The following MCF2 variants were observed in gnomAD, a reference collection of about 807,000 sequenced individuals.
MCF2 encodes proto-oncogene DBL.
Under a neutral mutation model 82.5 loss-of-function variants are expected in MCF2, and 44 were observed. That is an observed-to-expected ratio of 0.53 (90% CI 0.42 to 0.69). The LOEUF is 0.69. Ranked by LOEUF, MCF2 falls within the 30% of genes least tolerant of loss-of-function variation. The pLI, the probability that MCF2 is intolerant of heterozygous loss-of-function variation, is 0.00. For synonymous variants in MCF2, 217 were observed against 224.9 expected, an observed-to-expected ratio of 0.96 and a Z score of 0.32; for missense variants, 623 against 663.1, an observed-to-expected ratio of 0.94 and a Z score of 0.66.
intron 11 of MCF2, 124 bp from the exon 16 acceptor site, chrX:139,607,903 T>C (rs1357611173): frequency 4.4e-6 from 2 of 451,223 alleles, no homozygotes; most frequent in East Asian, 8.3e-5. Context: ...AAAATAAAAC[T>C]ATGATTTTTT....
intron 1 of MCF2, among the ~76,000 whole-genome samples, chrX:139,636,920 A>C (rs1043260008): frequency 9.0e-6 from 1 of 111,684 alleles, no homozygotes; most frequent in African/African-American, 3.3e-5. Context: ...CTATATGCTA[A>C]TCAGTTCATT....
chrX:139,687,330 G>A (rs1935150432), intron 1 of MCF2, among the ~76,000 whole-genome samples: 1 of 112,849 alleles, frequency 8.9e-6, no homozygotes, highest in African/African-American at 3.2e-5. Flanking sequence ...GGGGAAGTTT[G>A]GGTGAAAAAA....
At chrX:139,587,869 A>T (rs3128287) in intron 21 of MCF2, 81 bp from the exon 26 acceptor site, 7,366 of 182,641 alleles carry the variant, frequency 0.04, 376 homozygotes, top group African/African-American at 0.21. Context: ...TCTCTCTCTC[A>T]CACACACACA....
intron 19 of MCF2, among the ~76,000 whole-genome samples, chrX:139,591,494 C>T (rs993960314): frequency 1.3e-4 from 14 of 110,837 alleles, no homozygotes; most frequent in East Asian, 2.8e-4. Flanking sequence ...TTTTAAAAAT[C>T]GATGATAATA....
At chrX:139,607,449 C>A in intron 12 of MCF2, 2 of 221,640 alleles carry the variant, frequency 9.0e-6, no homozygotes, top group Admixed American at 7.0e-5. Flanking sequence ...AAACGAAAAC[C>A]TCCATTTTAT....
intron 1 of MCF2, among the ~76,000 whole-genome samples, chrX:139,658,494 T>C (rs765122975): frequency 9.1e-6 from 1 of 110,337 alleles, no homozygotes; most frequent in African/African-American, 3.3e-5. Flanking sequence ...AGAAATTAAG[T>C]TCACAAATAT....
At chrX:139,624,222 T>C (rs1168175681) in intron 6 of MCF2, among the ~76,000 whole-genome samples, 1 of 111,093 alleles carries the variant, frequency 9.0e-6, no homozygotes, top group East Asian at 2.8e-4. Flanking sequence ...AAACTCCAAA[T>C]GAAGAAAAAT....
chrX:139,617,509 C>T lies in MCF2; in HGVS notation c.999+4G>A, dbSNP rs747545174. 3 of 1,160,302 alleles carry T rather than the reference C, an allele frequency of 2.6e-6. No homozygotes were observed. Among genetic ancestry groups the T allele is most frequent in the Non-Finnish European group, 3.5e-6 (3 of 869,298 alleles). On this transcript the variant is annotated splice_donor_region_variant and intron_variant, in intron 8 of 24. Transcript: ENST00000370576. The stretch of plus-strand genomic sequence containing the variant: ...CAGAAATGGATCATTTCCCATTACA[C>T]TACCTGCTGTAGGAGTTTATGCATT...
intron 1 of MCF2, among the ~76,000 whole-genome samples, chrX:139,681,112 A>G (rs1845457553): frequency 8.9e-6 from 1 of 112,465 alleles, no homozygotes; most frequent in Admixed American, 9.5e-5. Flanking sequence ...ACATATACCT[A>G]ATCACACAAT....
chrX:139,621,643 T>G (rs2148471564), intron 6 of MCF2, among the ~76,000 whole-genome samples: 1 of 111,713 alleles, frequency 9.0e-6, no homozygotes, highest in Admixed American at 9.5e-5. Context: ...ATTCCCTATT[T>G]AATAAATGGT....
intron 16 of MCF2, among the ~76,000 whole-genome samples, chrX:139,600,735 C>A (rs760244034): frequency 1.5e-4 from 17 of 111,550 alleles, no homozygotes; most frequent in African/African-American, 5.5e-4. Context: ...GGTCAATAAA[C>A]CCACATATGC....
intron 1 of MCF2, among the ~76,000 whole-genome samples, chrX:139,634,405 A>G (rs1280740326): frequency 9.0e-6 from 1 of 111,702 alleles, no homozygotes; most frequent in Non-Finnish European, 1.9e-5. Context: ...TAAAAGAAAA[A>G]AGTAACTTCC....
At chrX:139,608,852 C>T (rs981530928) in intron 11 of MCF2, among the ~76,000 whole-genome samples, 4 of 111,621 alleles carry the variant, frequency 3.6e-5, no homozygotes, top group Non-Finnish European at 7.5e-5. Context: ...TGTAATACTA[C>T]AGAATTTGGC....
chrX:139,614,791 G>A (rs1035635375), intron 10 of MCF2, 90 bp downstream of exon 13: 32 of 841,610 alleles, frequency 3.8e-5, no homozygotes, highest in Middle Eastern at 3.2e-4. Flanking sequence ...TCATCTATCC[G>A]CATTGAAGAA....
chrX:139,589,894 C>G, exon 20 of MCF2: 2 of 1,189,261 alleles, frequency 1.7e-6, no homozygotes. Flanking sequence ...CGGTTATCAC[C>G]TTTTACATAT....
intron 1 of MCF2, among the ~76,000 whole-genome samples, chrX:139,677,759 T>C (rs1390893913): frequency 2.7e-5 from 3 of 111,980 alleles, no homozygotes; most frequent in Non-Finnish European, 5.6e-5. Context: ...ACATTGAACG[T>C]CTAAGTTTGA....
chrX:139,683,884 A>G (rs1935060700), intron 1 of MCF2, among the ~76,000 whole-genome samples: 1 of 112,583 alleles, frequency 8.9e-6, no homozygotes, highest in Non-Finnish European at 1.9e-5. Flanking sequence ...TCTTAGACAA[A>G]CACATAGTTG....
At chrX:139,705,363 G>GAC (rs982923422) in intron 1 of MCF2, among the ~76,000 whole-genome samples, 19 of 111,934 alleles carry the variant, frequency 1.7e-4, no homozygotes, top group Non-Finnish European at 3.2e-4. Flanking sequence ...TACAAAAACA[G>GAC]ACACATAGAC....
At chrX:139,599,658 A>T (rs1930385383) in intron 16 of MCF2, among the ~76,000 whole-genome samples, 1 of 111,801 alleles carries the variant, frequency 8.9e-6, no homozygotes, top group Admixed American at 9.5e-5. Context: ...ATTAGATAAT[A>T]ACAAGTGTTG....
Sources: allele counts gnomAD v4.1 joint callset (sites outside exome capture counted in the v4.1 genomes callset), GRCh38; gene constraint gnomAD v4.1.1; transcripts MANE v1.5; gene names NCBI Gene and HGNC (gene_info 2026-07-23, HGNC 2026-07-21).